The following KIFAP3 variants were observed in gnomAD, a reference collection of about 807,000 sequenced individuals.
KIFAP3 encodes the protein kinesin associated protein 3.
A neutral mutation model predicts 106.5 loss-of-function variants in KIFAP3; 68 were observed. The observed-to-expected ratio is 0.64, with a 90% CI of 0.53 to 0.78. KIFAP3 has a LOEUF of 0.78. KIFAP3 is among the 30% of genes least tolerant of loss of function. The pLI, the probability that KIFAP3 is intolerant of heterozygous loss-of-function variation, is 0.00. For missense variants in KIFAP3, 780 were observed against 941.8 expected (o/e 0.83, Z 2.25); for synonymous variants, 320 against 311.5 (o/e 1.03, Z -0.29).
At chr1:169,928,691 C>A (rs490000) in intron 19 of KIFAP3, among the ~76,000 whole-genome samples, 104,442 of 113,074 alleles carry the variant, frequency 0.92, 48,332 homozygotes, top group East Asian at 0.98. Context: ...TGAGTGAGAC[C>A]CTGTCTCCAA....
In KIFAP3 at chr1:169,958,876, GTAAC is replaced by G. The variant is rs578145144; in HGVS notation, c.2173+2166_2173+2169del. 5.3e-5 allele frequency among the ~76,000 whole-genome samples: 8 copies of G among 152,156 alleles called. No homozygotes were observed. In the South Asian group the frequency reaches 1.5e-3, roughly 28 times the overall value. On this transcript the variant is annotated intron_variant, in intron 18 of 19. Coordinates refer to ENST00000361580, the MANE Select transcript of KIFAP3 (RefSeq NM_014970.4). ...AATTTTAGACTAAGTAAAAAATACT[GTAAC>G]TAAAGGAGATGCTAGTTTTGTATTT...
rs1260248853 is a variant in KIFAP3 at position 169,960,874 on chromosome 1, T to A, written c.2173+172A>T. 4.2e-5 allele frequency among the ~76,000 whole-genome samples: 6 copies of A among 144,198 alleles called. No individual in the cohort carries two copies. In the South Asian group the frequency reaches 1.1e-3, roughly 27 times the overall value. 94.6% of individuals were successfully genotyped at this position (144,198 alleles called of 152,430 possible). A position where few individuals can be genotyped will look rare whatever the true frequency, so the allele number is the denominator to read the frequency against. On this transcript the variant is annotated intron_variant, in intron 18 of 19. Transcript: ENST00000361580. Reference sequence around the variant, plus strand: ...TCAAAGACTAACTTGGAAAAAAAAATGGTAAGTTAATAGGTTTGCTTATTA... The same window carrying A: ...TCAAAGACTAACTTGGAAAAAAAAAAGGTAAGTTAATAGGTTTGCTTATTA...
chr1:169,921,658 A>G lies in KIFAP3; in HGVS notation c.*18T>C. ...GATTTCTTCTAAGCTGAGATTACAC[A>G]TGGAAACAGATACTTTATCAAGATC... is the stretch of plus-strand genomic sequence containing the variant. On this transcript the variant is annotated 3_prime_UTR_variant, in exon 20 of 20. Transcript: ENST00000361580. 1 of 1,588,132 alleles carries G rather than the reference A, an allele frequency of 6.3e-7. No homozygotes were observed. The highest frequency in any genetic ancestry group is 8.6e-7 in the Non-Finnish European group (1 of 1,156,816).
Position 170,005,732 on chromosome 1 carries a change from A to C in KIFAP3, c.1183+10730T>G, listed in dbSNP as rs554239658. On this transcript the variant is annotated intron_variant, in intron 10 of 19. Transcript: ENST00000361580. ...TGGGGTGGGGGGAGGGGGGAGGGAT[A>C]GCATTAGGAGATATACCTAATGCTA... 2.3e-3 allele frequency among the ~76,000 whole-genome samples: 337 copies of C among 147,006 alleles called. 4 individuals are homozygous for C. The highest frequency in any genetic ancestry group is 7.7e-3 in the African/African-American group (308 of 39,960).
chr1:170,020,707 AATAAGGTG>A (rs1161080399), intron 9 of KIFAP3, among the ~76,000 whole-genome samples: 104 of 124,876 alleles, frequency 8.3e-4, no homozygotes, highest in African/African-American at 3.1e-3. Context: ...AGGCAATTTC[AATAAGGTG>A]CAAAGGCAAT....
intron 5 of KIFAP3, among the ~76,000 whole-genome samples, chr1:170,037,454 G>A (rs926765204): frequency 7.9e-5 from 12 of 152,070 alleles, no homozygotes; most frequent in African/African-American, 2.2e-4. Flanking sequence ...TAGGCAGGGC[G>A]CCTGGTGGCT....
In KIFAP3 at chr1:169,932,750, G is replaced by A. The variant is rs563570328; in HGVS notation, c.2274-10969C>T. On this transcript the variant is annotated intron_variant, in intron 19 of 19. Coordinates refer to ENST00000361580, the MANE Select transcript of KIFAP3 (RefSeq NM_014970.4). ...TTTTGTTAAAACTCATGTCTCCAAA[G>A]TCCTTAAACAAATCATTCAGTTTGG... is the stretch of plus-strand genomic sequence containing the variant. Among the ~76,000 whole-genome samples the A allele has an allele frequency of 4.1e-5, 6 of 145,698 alleles. No homozygotes were observed. In the South Asian group the frequency reaches 1.3e-3, roughly 31 times the overall value.
chr1:169,925,139 G>A (rs1252561338), intron 19 of KIFAP3, among the ~76,000 whole-genome samples: 1 of 152,074 alleles, frequency 6.6e-6, no homozygotes, highest in Non-Finnish European at 1.5e-5. Context: ...ATAAAATGTG[G>A]TGTATCCCTC....
chr1:169,984,727 C>G (rs764492371), intron 11 of KIFAP3, 37 bp from the exon 12 acceptor site: 1 of 1,198,322 alleles, frequency 8.3e-7, no homozygotes. Flanking sequence ...ACTCAAGAAA[C>G]AAAGACAAAA....
rs1423996349 is a variant in KIFAP3, at chr1:170,025,951, T to A, written c.842-1355A>T. Reference sequence around the variant, plus strand: ...TATTTGGAAATAGGGTCTTTGCAGATGTAATTGGTTATGGTGAGGTAATAA... The same window carrying A: ...TATTTGGAAATAGGGTCTTTGCAGAAGTAATTGGTTATGGTGAGGTAATAA... On this transcript the variant is annotated intron_variant, in intron 8 of 19. Transcript: ENST00000361580. Among the ~76,000 whole-genome samples the A allele has an allele frequency of 2.0e-5, 3 of 152,210 alleles. No individual in the cohort carries two copies. The East Asian group carries it at 5.8e-4, about 29-fold the overall frequency.
intron 19 of KIFAP3, among the ~76,000 whole-genome samples, chr1:169,934,804 G>C (rs904752600): frequency 1.3e-5 from 2 of 152,022 alleles, no homozygotes; most frequent in East Asian, 3.8e-4. Context: ...AAGTATGCAG[G>C]AACAGGGACA....
At chr1:170,079,533 C>A (rs551749639), upstream of KIFAP3, among the ~76,000 whole-genome samples, 2 of 152,136 alleles carry the variant, frequency 1.3e-5, no homozygotes, top group African/African-American at 4.8e-5. Flanking sequence ...AAACTATTAG[C>A]AATCTAAGAA....
chr1:170,078,757 A>G (rs958177438), upstream of KIFAP3, among the ~76,000 whole-genome samples: 7 of 152,232 alleles, frequency 4.6e-5, no homozygotes, highest in Admixed American at 3.9e-4. Flanking sequence ...GTCAATTTAG[A>G]TACTTTCTGA....
chr1:169,959,572 T>C (rs1289055298), intron 18 of KIFAP3, among the ~76,000 whole-genome samples: 1 of 152,156 alleles, frequency 6.6e-6, no homozygotes, highest in Non-Finnish European at 1.5e-5. Context: ...TTTAAGAGGT[T>C]AATTTAAATT....
chr1:169,962,852 T>C (rs775382091), intron 17 of KIFAP3, among the ~76,000 whole-genome samples: 1 of 152,192 alleles, frequency 6.6e-6, no homozygotes, highest in Non-Finnish European at 1.5e-5. Flanking sequence ...TTAAAAAATA[T>C]ATAGCTGCTC....
intron 2 of KIFAP3, among the ~76,000 whole-genome samples, chr1:170,048,462 C>T (rs1670385423): frequency 6.6e-6 from 1 of 151,942 alleles, no homozygotes; most frequent in Non-Finnish European, 1.5e-5. Flanking sequence ...ATGAGTAAAA[C>T]TGCTATAAAC....
intron 10 of KIFAP3, among the ~76,000 whole-genome samples, chr1:170,010,986 A>G (rs1038784390): frequency 3.1e-4 from 47 of 151,974 alleles, no homozygotes; most frequent in Admixed American, 1.6e-3. Flanking sequence ...GTCAACTTGA[A>G]CATATATCAA....
intron 18 of KIFAP3, among the ~76,000 whole-genome samples, chr1:169,956,265 CA>C (rs1203089417): frequency 6.6e-6 from 1 of 151,712 alleles, no homozygotes; most frequent in Non-Finnish European, 1.5e-5. Context: ...TAAATAAAGC[CA>C]AATGAAAAGA....
chr1:169,995,991 G>T (rs1178546319), intron 10 of KIFAP3, among the ~76,000 whole-genome samples: 1 of 151,990 alleles, frequency 6.6e-6, no homozygotes, highest in Non-Finnish European at 1.5e-5. Flanking sequence ...GTACAGAGAA[G>T]AGTCCAAAAA....
Sources: allele counts gnomAD v4.1 joint callset (sites outside exome capture counted in the v4.1 genomes callset), GRCh38; gene constraint gnomAD v4.1.1; transcripts MANE v1.5; gene names NCBI Gene and HGNC (gene_info 2026-07-23, HGNC 2026-07-21).